Variants in FBXL17 observed in about 807,000 individuals in gnomAD.
FBXL17 encodes F-box and leucine rich repeat protein 17, also known as F-box/LRR-repeat protein 17.
A neutral mutation model predicts 66.2 loss-of-function variants in FBXL17; 22 were observed. The ratio of observed to expected loss-of-function variants is 0.33; its 90% CI spans 0.24 to 0.47. The LOEUF (loss-of-function observed/expected upper bound fraction) is 0.47, where lower values mean the gene tolerates loss of function less well. Among genes scored for constraint, FBXL17 ranks in the 20% least tolerant of loss-of-function variants. FBXL17 has a pLI of 1.00. For synonymous variants in FBXL17, 474 were observed against 400.5 expected (o/e 1.18, Z -2.19); for missense variants, 878 against 948.2 (o/e 0.93, Z 0.97).
intron 4 of FBXL17, among the ~76,000 whole-genome samples, chr5:108,231,079 T>C (rs1033643836): frequency 1.1e-4 from 17 of 152,194 alleles, no homozygotes; most frequent in African/African-American, 3.9e-4. Context: ...TAAAGAACTA[T>C]GTCATCTTCT....
At chr5:108,001,797 G>T (rs998400145) in intron 7 of FBXL17, among the ~76,000 whole-genome samples, 1 of 151,678 alleles carries the variant, frequency 6.6e-6, no homozygotes, top group African/African-American at 2.4e-5. Flanking sequence ...ACCGTGCCCA[G>T]CCGGAAAATT....
intron 4 of FBXL17, among the ~76,000 whole-genome samples, chr5:108,321,257 T>C (rs1048407103): frequency 5.3e-5 from 8 of 151,818 alleles, no homozygotes; most frequent in Admixed American, 5.3e-4. Flanking sequence ...AATATTACAA[T>C]ATTGAATTGG....
intron 1 of FBXL17, among the ~76,000 whole-genome samples, chr5:108,376,768 A>G (rs983494197): frequency 3.3e-5 from 5 of 150,212 alleles, no homozygotes; most frequent in African/African-American, 7.3e-5. Flanking sequence ...ATTTTGGATA[A>G]CATAGCCAGT....
chr5:107,912,021 T>C (rs1025484449), intron 7 of FBXL17, among the ~76,000 whole-genome samples: 3 of 152,050 alleles, frequency 2.0e-5, no homozygotes, highest in Non-Finnish European at 2.9e-5. Context: ...TAATACAAGG[T>C]GTAGGCAAGA....
In FBXL17 at chr5:108,147,909, G is replaced by GA. The variant is rs796658829; in HGVS notation, c.1745+38207dup. On this transcript the variant is annotated intron_variant, in intron 6 of 8. Transcript: ENST00000542267. ...AGTAAAATCGTATCCTCAATGAGCT[G>GA]AAAAAAAAAACTCATAATGTAGAAT... is the stretch of plus-strand genomic sequence containing the variant. 1.2e-3 allele frequency among the ~76,000 whole-genome samples: 172 copies of GA among 144,482 alleles called. 1 individual carries two copies. Among genetic ancestry groups the GA allele is most frequent in the Non-Finnish European group, 1.2e-3 (79 of 65,742 alleles). The allele number at this position is 144,482 out of a possible 152,430, so 94.8% of individuals were successfully genotyped here. A position where few individuals can be genotyped will look rare whatever the true frequency, so the allele number is the denominator to read the frequency against.
chr5:107,940,825 A>G (rs906802952), intron 7 of FBXL17, among the ~76,000 whole-genome samples: 6 of 152,188 alleles, frequency 3.9e-5, no homozygotes, highest in African/African-American at 1.4e-4. Context: ...AATCACCTGG[A>G]GAACTTTGAA....
chr5:108,342,665 C>G (rs1374561244), intron 4 of FBXL17, among the ~76,000 whole-genome samples: 2 of 152,172 alleles, frequency 1.3e-5, no homozygotes, highest in East Asian at 3.9e-4. Context: ...AGAATTTTGA[C>G]TTTGACACCC....
At chr5:108,373,539 A>C (rs1749207888) in intron 1 of FBXL17, among the ~76,000 whole-genome samples, 1 of 151,848 alleles carries the variant, frequency 6.6e-6, no homozygotes, top group Non-Finnish European at 1.5e-5. Context: ...AGACATAGAG[A>C]AAACAAATAA....
rs577202408 is a variant in FBXL17, at chr5:108,155,244, C to T, written c.1745+30873G>A. Reference sequence around the variant, plus strand: ...ATTAATACAAATTTTAGGCTGGGCGCGGTGCCTCACGTCTGTAATCCCAGT... The same window carrying T: ...ATTAATACAAATTTTAGGCTGGGCGTGGTGCCTCACGTCTGTAATCCCAGT... On this transcript the variant is annotated intron_variant, in intron 6 of 8. Transcript: ENST00000542267. Among the ~76,000 whole-genome samples the T allele has an allele frequency of 1.1e-4, 17 of 152,150 alleles. No homozygotes were observed. In the South Asian group the frequency reaches 2.1e-3, roughly 19 times the overall value.
At chr5:107,998,323 A>G (rs894369666) in intron 7 of FBXL17, among the ~76,000 whole-genome samples, 13 of 152,188 alleles carry the variant, frequency 8.5e-5, no homozygotes, top group Non-Finnish European at 1.9e-4. Flanking sequence ...AATAAGAATG[A>G]AAGACATTTT....
intron 1 of FBXL17, among the ~76,000 whole-genome samples, chr5:108,372,336 G>A (rs1333168111): frequency 6.6e-6 from 1 of 152,132 alleles, no homozygotes; most frequent in Non-Finnish European, 1.5e-5. Context: ...AGGCACAGAA[G>A]GAAAAGAGAG....
chr5:108,316,494 G>A (rs887925409), intron 4 of FBXL17, among the ~76,000 whole-genome samples: 14 of 151,092 alleles, frequency 9.3e-5, no homozygotes, highest in Admixed American at 2.0e-4. Flanking sequence ...ACCTTAACAC[G>A]GCAGGCACTC....
chr5:108,287,483 AG>A (rs1561508169), intron 4 of FBXL17, among the ~76,000 whole-genome samples: 1 of 152,156 alleles, frequency 6.6e-6, no homozygotes, highest in African/African-American at 2.4e-5. Flanking sequence ...TCTCAAAAGA[AG>A]AAATATACAT....
intron 7 of FBXL17, among the ~76,000 whole-genome samples, chr5:108,017,742 T>C (rs2112755817): frequency 6.6e-6 from 1 of 152,314 alleles, no homozygotes; most frequent in East Asian, 1.9e-4. Context: ...TATATTTCTC[T>C]TTAGGGAGCA....
chr5:108,243,820 A>G (rs1755971301), intron 4 of FBXL17, among the ~76,000 whole-genome samples: 1 of 152,218 alleles, frequency 6.6e-6, no homozygotes. Flanking sequence ...ATACAAAAAT[A>G]GAAAAACCAG....
chr5:108,282,232 G>C (rs1757728881), intron 4 of FBXL17, among the ~76,000 whole-genome samples: 1 of 151,678 alleles, frequency 6.6e-6, no homozygotes, highest in African/African-American at 2.4e-5. Context: ...GAAAACTACT[G>C]ACTAATATCT....
At position 108,365,001 on chromosome 5, in the gene FBXL17, A is replaced by C; in HGVS notation, c.1117-6T>G. ...TCCAACAATTCATCAGTGACCTGTAAGAGAAAAAGCAATAAATTTAAACTT... is the reference window on the plus strand; with the variant it reads ...TCCAACAATTCATCAGTGACCTGTACGAGAAAAAGCAATAAATTTAAACTT... On this transcript the variant is annotated splice_polypyrimidine_tract_variant and splice_region_variant and intron_variant, in intron 2 of 8. Coordinates refer to ENST00000542267, the MANE Select transcript of FBXL17 (RefSeq NM_001163315.3). The C allele has an allele frequency of 6.3e-7, 1 of 1,587,710 alleles. No homozygotes were observed. The highest frequency in any genetic ancestry group is 1.1e-5 in the South Asian group (1 of 87,772).
intron 7 of FBXL17, among the ~76,000 whole-genome samples, chr5:107,980,886 C>T (rs1265273696): frequency 4.6e-5 from 7 of 151,012 alleles, no homozygotes; most frequent in African/African-American, 1.2e-4. Flanking sequence ...CCTCGTGATC[C>T]GCCCGCCTCG....
At chr5:107,927,140 T>A (rs962602491) in intron 7 of FBXL17, among the ~76,000 whole-genome samples, 3 of 152,058 alleles carry the variant, frequency 2.0e-5, no homozygotes, top group Non-Finnish European at 4.4e-5. Flanking sequence ...AGAAAATAAA[T>A]GCTAAATCAA....
Sources: allele counts gnomAD v4.1 joint callset (sites outside exome capture counted in the v4.1 genomes callset), GRCh38; gene constraint gnomAD v4.1.1; transcripts MANE v1.5; gene names NCBI Gene and HGNC (gene_info 2026-07-23, HGNC 2026-07-21).